The following RAB27A variants were observed in gnomAD, a reference collection of about 807,000 sequenced individuals.
RAB27A encodes ras-related protein Rab-27A.
RAB27A carries 17 observed loss-of-function variants against 20.8 expected under a neutral mutation model. The observed-to-expected ratio is 0.82, with a 90% CI of 0.56 to 1.23. The LOEUF (loss-of-function observed/expected upper bound fraction) is 1.23, where lower values mean the gene tolerates loss of function less well. Ranked by LOEUF, RAB27A falls within the 50% of genes most tolerant of loss-of-function variation. The pLI, the probability that RAB27A is intolerant of heterozygous loss-of-function variation, is 0.00. For missense variants in RAB27A, 277 were observed against 266.7 expected (o/e 1.04, Z -0.27); for synonymous variants, 85 against 92.8 (o/e 0.92, Z 0.48).
chr15:55,281,387 T>G (rs146451826), intron 1 of RAB27A, among the ~76,000 whole-genome samples: 4 of 152,240 alleles, frequency 2.6e-5, no homozygotes, highest in African/African-American at 9.6e-5. Flanking sequence ...TTCTCATATA[T>G]CAATAAACTG....
rs1360410235 is a variant in RAB27A, at chr15:55,209,834, ATG to A, written c.468-4131_468-4130del. ...CACACATGTGTGTATATATACATAT[ATG>A]TGTGTACACATATATGTGTGTATAT... On this transcript the variant is annotated intron_variant, in intron 6 of 6. Coordinates refer to ENST00000336787, the MANE Select transcript of RAB27A (RefSeq NM_183235.3). Among the ~76,000 whole-genome samples the A allele has an allele frequency of 3.5e-4, 42 of 119,392 alleles. 2 individuals carry two copies. In the South Asian group the frequency reaches 5.9e-3, roughly 17 times the overall value. The allele number at this position is 119,392 out of a possible 152,430, so 78.3% of individuals were successfully genotyped here.
At chr15:55,210,117 C>T (rs1295559495) in intron 6 of RAB27A, among the ~76,000 whole-genome samples, 1 of 141,948 alleles carries the variant, frequency 7.0e-6, no homozygotes, top group Admixed American at 6.9e-5. Flanking sequence ...CACACATACA[C>T]ATATGTATAT....
chr15:55,305,083 C>T (rs893770720), intron 2 of RAB27A, among the ~76,000 whole-genome samples: 5 of 152,176 alleles, frequency 3.3e-5, no homozygotes, highest in Admixed American at 6.5e-5. Flanking sequence ...GATCTCTTTA[C>T]TACCTGATTG....
At chr15:55,223,327 C>T (rs1046009854) in intron 6 of RAB27A, among the ~76,000 whole-genome samples, 53 of 151,582 alleles carry the variant, frequency 3.5e-4, no homozygotes, top group Admixed American at 3.0e-3. Flanking sequence ...CAATATGGTA[C>T]CAGAAACCCC....
chr15:55,314,943 C>A (rs1206653854), intron 1 of RAB27A, among the ~76,000 whole-genome samples: 1 of 152,018 alleles, frequency 6.6e-6, no homozygotes, highest in Non-Finnish European at 1.5e-5. Context: ...AAAAAAGAGC[C>A]CATATAGCCA....
At chr15:55,223,007 T>C (rs1895645799) in intron 6 of RAB27A, among the ~76,000 whole-genome samples, 1 of 152,156 alleles carries the variant, frequency 6.6e-6, no homozygotes, top group Admixed American at 6.5e-5. Context: ...CTGCTGCTGC[T>C]GCTGCTATGA....
chr15:55,269,424 C>T (rs1427375672), intron 2 of RAB27A, among the ~76,000 whole-genome samples: 3 of 152,088 alleles, frequency 2.0e-5, no homozygotes, highest in African/African-American at 7.2e-5. Context: ...TATACTAAAA[C>T]ACACACTTAC....
At chr15:55,249,633 C>A (rs1896816087) in intron 2 of RAB27A, among the ~76,000 whole-genome samples, 1 of 152,140 alleles carries the variant, frequency 6.6e-6, no homozygotes, top group East Asian at 1.9e-4. Context: ...TCTGTACACC[C>A]TGTTAGTTGG....
At chr15:55,279,617 A>G (rs1296700502) in intron 1 of RAB27A, among the ~76,000 whole-genome samples, 3 of 152,226 alleles carry the variant, frequency 2.0e-5, no homozygotes. Context: ...GGATAATAAT[A>G]CTGACCTAGC....
At chr15:55,259,925 C>T (rs1474366151) in intron 2 of RAB27A, 1 of 152,152 alleles carries the variant, frequency 6.6e-6, no homozygotes, top group African/African-American at 2.4e-5. Flanking sequence ...ACCCACCTTA[C>T]CAAGGACATG....
At chr15:55,250,055 C>T (rs113298173) in intron 2 of RAB27A, among the ~76,000 whole-genome samples, 11,534 of 152,064 alleles carry the variant, frequency 0.076, 715 homozygotes, top group Admixed American at 0.18. Context: ...CACCACCTCC[C>T]GGGTTTAAGC....
chr15:55,259,323 A>T (rs1315863304), intron 2 of RAB27A, among the ~76,000 whole-genome samples: 2 of 151,322 alleles, frequency 1.3e-5, no homozygotes, highest in African/African-American at 4.9e-5. Flanking sequence ...TAATGGAGAC[A>T]CGGTCTCACT....
chr15:55,260,894 C>G, intron 2 of RAB27A, among the ~76,000 whole-genome samples: 1 of 152,024 alleles, frequency 6.6e-6, no homozygotes, highest in Non-Finnish European at 1.5e-5. Context: ...ATAGAATGTA[C>G]AACACCAAGA....
intron 1 of RAB27A, among the ~76,000 whole-genome samples, chr15:55,270,576 G>A (rs531715746): frequency 6.6e-6 from 1 of 152,166 alleles, no homozygotes; most frequent in African/African-American, 2.4e-5. Flanking sequence ...TCTTTCTTCC[G>A]CCCACCTACC....
At chr15:55,261,352 G>A (rs1049847591) in intron 2 of RAB27A, among the ~76,000 whole-genome samples, 4 of 151,764 alleles carry the variant, frequency 2.6e-5, no homozygotes, top group African/African-American at 4.8e-5. Context: ...AGCCATGATC[G>A]TGCCACTGCA....
chr15:55,245,762 T>C lies in RAB27A; in HGVS notation c.-22-10806A>G, dbSNP rs201852537. Among the ~76,000 whole-genome samples, 4 of 152,320 alleles carry C rather than the reference T, an allele frequency of 2.6e-5. No homozygotes were observed. The East Asian group carries it at 7.7e-4, about 29-fold the overall frequency. On this transcript the variant is annotated intron_variant, in intron 2 of 6. Coordinates refer to ENST00000336787, the MANE Select transcript of RAB27A (RefSeq NM_183235.3). ...TCTAGCAGATGGTGATATTCCACTATAGCAAGTTCTTCAGACAAAAAATAA... is the reference window on the plus strand; with the variant it reads ...TCTAGCAGATGGTGATATTCCACTACAGCAAGTTCTTCAGACAAAAAATAA...
intron 2 of RAB27A, among the ~76,000 whole-genome samples, chr15:55,313,787 C>T (rs1424798286): frequency 2.0e-5 from 3 of 152,000 alleles, no homozygotes; most frequent in African/African-American, 7.2e-5. Context: ...TCCTGGCTGA[C>T]ATGGTGAAGC....
intron 2 of RAB27A, among the ~76,000 whole-genome samples, chr15:55,252,261 A>T (rs1196674221): frequency 6.6e-6 from 1 of 152,212 alleles, no homozygotes; most frequent in Non-Finnish European, 1.5e-5. Flanking sequence ...TACAATGTAC[A>T]CTATTCAGGT....
In RAB27A at chr15:55,205,401, G is replaced by A; in HGVS notation, c.*106C>T. On this transcript the variant is annotated 3_prime_UTR_variant, in exon 7 of 7. Transcript: ENST00000336787. ...GTAGGTCTAATGGGGATGGTGAGAAGCAATTTGTACACAATGCCCATTAAT... is the reference window on the plus strand; with the variant it reads ...GTAGGTCTAATGGGGATGGTGAGAAACAATTTGTACACAATGCCCATTAAT... The A allele has an allele frequency of 2.5e-6, 3 of 1,197,564 alleles. No individual in the cohort carries two copies. Among genetic ancestry groups the A allele is most frequent in the Non-Finnish European group, 3.7e-6 (3 of 803,224 alleles). The allele number at this position is 1,197,564 out of a possible 1,614,324, so 74.2% of individuals were successfully genotyped here. A position where few individuals can be genotyped will look rare whatever the true frequency, so the allele number is the denominator to read the frequency against.
Sources: gnomAD v4.1 joint callset for allele counts (sites outside exome capture counted in the v4.1 genomes callset) on GRCh38, gnomAD v4.1.1 for gene constraint, MANE v1.5 for transcripts, NCBI Gene and HGNC (gene_info 2026-07-23, HGNC 2026-07-21) for gene names.